TTC28: variants seen among roughly 807,000 people sequenced by gnomAD.
The protein encoded by TTC28 is tetratricopeptide repeat domain 28.
Under a neutral mutation model 198.0 loss-of-function variants are expected in TTC28, and 61 were observed. That is an observed-to-expected ratio of 0.31 (90% CI 0.25 to 0.38). The LOEUF (loss-of-function observed/expected upper bound fraction) is 0.38. TTC28 is among the 10% of genes least tolerant of loss of function. TTC28 has a pLI of 1.00. For synonymous variants in TTC28, 1,171 were observed against 1,297.8 expected, an observed-to-expected ratio of 0.90 and a Z score of 2.10; for missense variants, 2,678 against 3,164.0, an observed-to-expected ratio of 0.85 and a Z score of 3.69.
chr22:28,350,879 T>C (rs1460020092), intron 2 of TTC28, among the ~76,000 whole-genome samples: 3 of 152,192 alleles, frequency 2.0e-5, no homozygotes, highest in Admixed American at 2.0e-4. Flanking sequence ...ATCACTGTTA[T>C]AATCCTTAAG....
chr22:28,555,468 TA>T (rs1233773241), intron 2 of TTC28, among the ~76,000 whole-genome samples: 3 of 152,032 alleles, frequency 2.0e-5, no homozygotes, highest in African/African-American at 7.2e-5. Flanking sequence ...AATGAGCAGA[TA>T]AAGAAAATGT....
intron 12 of TTC28, among the ~76,000 whole-genome samples, chr22:28,088,360 A>G (rs960570129): frequency 4.6e-5 from 7 of 152,180 alleles, no homozygotes; most frequent in Non-Finnish European, 7.4e-5. Flanking sequence ...ATAACGCCGC[A>G]TATCTACAAC....
intron 5 of TTC28, among the ~76,000 whole-genome samples, chr22:28,257,739 C>CATATAT (rs66590909): frequency 0.014 from 1,306 of 95,984 alleles, 28 homozygotes; most frequent in African/African-American, 0.019. Flanking sequence ...GGTAATAGAA[C>CATATAT]ATATATATAT....
intron 6 of TTC28, among the ~76,000 whole-genome samples, chr22:28,138,873 G>A (rs755883885): frequency 2.0e-5 from 3 of 152,126 alleles, no homozygotes; most frequent in Admixed American, 1.3e-4. Flanking sequence ...ACTCAGATAC[G>A]AACAAAGAAT....
chr22:28,110,071 A>C (rs1235074480), intron 6 of TTC28, among the ~76,000 whole-genome samples: 1 of 152,204 alleles, frequency 6.6e-6, no homozygotes, highest in Non-Finnish European at 1.5e-5. Flanking sequence ...TGAGGACAGA[A>C]GTCTCTGCCC....
intron 2 of TTC28, among the ~76,000 whole-genome samples, chr22:28,522,484 G>A (rs529688657): frequency 2.8e-5 from 4 of 143,886 alleles, no homozygotes; most frequent in Non-Finnish European, 4.5e-5. Flanking sequence ...GCGAAACTCC[G>A]TCTCAAAAAA....
chr22:28,463,694 T>C (rs764533314), intron 2 of TTC28, among the ~76,000 whole-genome samples: 16 of 151,058 alleles, frequency 1.1e-4, no homozygotes, highest in Non-Finnish European at 2.1e-4. Context: ...TTCTCACTCA[T>C]AGGTGGGTAT....
Position 28,401,756 on chromosome 22 carries a change from C to T in TTC28, c.382-95113G>A, listed in dbSNP as rs1363637104. Among the ~76,000 whole-genome samples, 8 of 151,924 alleles carry T rather than the reference C, an allele frequency of 5.3e-5. No homozygotes were observed. The South Asian group carries it at 1.5e-3, about 28-fold the overall frequency. On this transcript the variant is annotated intron_variant, in intron 2 of 22. Coordinates refer to ENST00000397906, the MANE Select transcript of TTC28 (RefSeq NM_001145418.2). Reference sequence around the variant, plus strand: ...GCCAGACCAGCCTAGGCAACAAAAGCGAGACCCCATCTCTACAAAAAAAAT... The same window carrying T: ...GCCAGACCAGCCTAGGCAACAAAAGTGAGACCCCATCTCTACAAAAAAAAT...
chr22:28,114,623 A>G (rs1335310225), intron 6 of TTC28, among the ~76,000 whole-genome samples: 1 of 146,770 alleles, frequency 6.8e-6, no homozygotes, highest in Non-Finnish European at 1.5e-5. Flanking sequence ...TCTGTCACCT[A>G]TGCTGGAGTG....
intron 6 of TTC28, among the ~76,000 whole-genome samples, chr22:28,139,904 T>C (rs1404995658): frequency 2.6e-5 from 4 of 152,156 alleles, no homozygotes; most frequent in African/African-American, 9.7e-5. Context: ...TTCATACACA[T>C]GACTGGGTTC....
chr22:28,315,157 C>T (rs139846320), intron 2 of TTC28, among the ~76,000 whole-genome samples: 1 of 152,240 alleles, frequency 6.6e-6, no homozygotes, highest in Admixed American at 6.5e-5. Context: ...ACCGAGTTCT[C>T]ACTATAGGAA....
intron 2 of TTC28, among the ~76,000 whole-genome samples, chr22:28,521,725 C>G (rs2048913081): frequency 6.6e-6 from 1 of 152,160 alleles, no homozygotes; most frequent in South Asian, 2.1e-4. Flanking sequence ...AGGTAAAGAA[C>G]AAAGCCTGAC....
At chr22:28,650,689 G>A (rs191763259) in intron 1 of TTC28, among the ~76,000 whole-genome samples, 21 of 152,220 alleles carry the variant, frequency 1.4e-4, no homozygotes, top group Middle Eastern at 3.4e-3. Context: ...GAGAAACCTA[G>A]GTCTAACTAT....
At chr22:28,391,481 A>G (rs1214982769) in intron 2 of TTC28, among the ~76,000 whole-genome samples, 1 of 152,136 alleles carries the variant, frequency 6.6e-6, no homozygotes, top group Non-Finnish European at 1.5e-5. Flanking sequence ...AGGTACACCA[A>G]TCAGATGTAG....
chr22:27,985,421 G>T, intron 21 of TTC28, 65 bp from the exon 22 acceptor site: 1 of 1,271,408 alleles, frequency 7.9e-7, no homozygotes, highest in Non-Finnish European at 1.1e-6. Context: ...GAACATGAGC[G>T]CTATAGGGCT....
chr22:28,499,769 A>G (rs973178326), intron 2 of TTC28, among the ~76,000 whole-genome samples: 1 of 152,206 alleles, frequency 6.6e-6, no homozygotes, highest in Non-Finnish European at 1.5e-5. Flanking sequence ...CTCCAACACT[A>G]TAATTTTTAA....
At chr22:27,992,502 G>T in intron 19 of TTC28, 85 bp downstream of exon 19, 1 of 1,375,862 alleles carries the variant, frequency 7.3e-7, no homozygotes, top group Non-Finnish European at 1.0e-6. Context: ...TTCACTTACA[G>T]GTTCCTATTT....
chr22:28,561,006 C>T (rs1270403262), intron 2 of TTC28, among the ~76,000 whole-genome samples: 5 of 151,850 alleles, frequency 3.3e-5, no homozygotes, highest in African/African-American at 1.2e-4. Flanking sequence ...ATCTGCCCAC[C>T]TCGGCCTCCC....
At chr22:28,198,906 C>A (rs1925628225) in intron 5 of TTC28, among the ~76,000 whole-genome samples, 1 of 152,096 alleles carries the variant, frequency 6.6e-6, no homozygotes, top group African/African-American at 2.4e-5. Flanking sequence ...AACTGAGTCA[C>A]AGGCCACAAG....
Sources: allele counts gnomAD v4.1 joint callset (sites outside exome capture counted in the v4.1 genomes callset), GRCh38; gene constraint gnomAD v4.1.1; transcripts MANE v1.5; gene names NCBI Gene and HGNC (gene_info 2026-07-23, HGNC 2026-07-21).